Variants in FRMD8 observed in about 807,000 individuals in gnomAD.
The protein encoded by FRMD8 is FERM domain containing 8.
Under a neutral mutation model 54.2 loss-of-function variants are expected in FRMD8, and 37 were observed. That is an observed-to-expected ratio of 0.68 (90% CI 0.53 to 0.90). The LOEUF (loss-of-function observed/expected upper bound fraction) is 0.90, where lower values mean the gene tolerates loss of function less well. Ranked by LOEUF, FRMD8 falls within the 40% of genes least tolerant of loss-of-function variation. The probability of loss-of-function intolerance (pLI) is 0.00; values close to 1 mark genes in which losing one functional copy is unlikely to be tolerated. For missense variants in FRMD8, 585 were observed against 653.7 expected (o/e 0.89, Z 1.15); for synonymous variants, 246 against 286.9 (o/e 0.86, Z 1.44).
At chr11:65,377,334 T>A in the FRMD8 span, 1 of 1,351,838 alleles carries the variant, frequency 7.4e-7, no homozygotes, top group South Asian at 1.8e-5. Flanking sequence ...CCAACTTGCC[T>A]GGCCTACAGC....
chr11:65,402,152 C>A (rs917716203), intron 9 of FRMD8, among the ~76,000 whole-genome samples: 1 of 151,960 alleles, frequency 6.6e-6, no homozygotes, highest in Non-Finnish European at 1.5e-5. Context: ...AGCTCAAGAC[C>A]AGCCTGGCCA....
At chr11:65,407,841 G>A (rs1252984333) in intron 10 of FRMD8, among the ~76,000 whole-genome samples, 8 of 143,896 alleles carry the variant, frequency 5.6e-5, no homozygotes, top group Non-Finnish European at 1.2e-4. Flanking sequence ...CGGAGATCGC[G>A]CCACTGCACT....
chr11:65,404,050 A>C lies in FRMD8; in HGVS notation c.1072-814A>C, dbSNP rs1245208571. Among the ~76,000 whole-genome samples, 10 of 152,150 alleles carry C rather than the reference A, an allele frequency of 6.6e-5. No individual in the cohort carries two copies. Among genetic ancestry groups the C allele is most frequent in the African/African-American group, 2.4e-4 (10 of 41,430 alleles). On this transcript the variant is annotated intron_variant, in intron 9 of 10. Transcript: ENST00000317568. The surrounding 1 kb of genome is among the most constrained non-coding windows in gnomAD (Gnocchi z 4.7). ...CTCTGCTCTTCCTTCTGGGCCGAGC[A>C]GCGGTGCCCACCTGCCCAGCCCAGA...
At chr11:65,369,664 G>T in the FRMD8 span, among the ~76,000 whole-genome samples, 7 of 151,322 alleles carry the variant, frequency 4.6e-5, no homozygotes, top group Non-Finnish European at 7.4e-5. Flanking sequence ...AGGGAGGTGG[G>T]TTACATGAGC....
intron 9 of FRMD8, among the ~76,000 whole-genome samples, chr11:65,402,160 CCAA>C (rs758194981): frequency 6.6e-6 from 1 of 151,836 alleles, no homozygotes; most frequent in African/African-American, 2.4e-5. Context: ...ACCAGCCTGG[CCAA>C]CAAGGTGAAA....
the FRMD8 span, chr11:65,376,291 G>T: frequency 7.5e-7 from 1 of 1,325,546 alleles, no homozygotes; most frequent in Non-Finnish European, 1.0e-6. Flanking sequence ...GAGGCACCTT[G>T]GTTAGGAAGG....
At position 65,394,433 on chromosome 11, in the gene FRMD8, C is replaced by A; in HGVS notation, c.581+8C>A. 1 of 1,563,044 alleles carries A rather than the reference C, an allele frequency of 6.4e-7. No homozygotes were observed. The highest frequency in any genetic ancestry group is 1.2e-5 in the South Asian group (1 of 85,994). ...GGCAGCCTGCGACCTGAGGTGAGGGCCTGTGTGACTTGAGGCGGGGGCGCT... is the reference window on the plus strand; with the variant it reads ...GGCAGCCTGCGACCTGAGGTGAGGGACTGTGTGACTTGAGGCGGGGGCGCT... On this transcript the variant is annotated splice_region_variant and intron_variant, in intron 6 of 10. Coordinates refer to ENST00000317568, the MANE Select transcript of FRMD8 (RefSeq NM_031904.5).
the FRMD8 span, chr11:65,380,329 C>G: frequency 7.1e-6 from 8 of 1,132,426 alleles, no homozygotes; most frequent in Admixed American, 2.2e-5. Flanking sequence ...TCTAGAGACT[C>G]CAGCTGCCCC....
In FRMD8 at chr11:65,389,441, G is replaced by C. The variant is rs1565596519; in HGVS notation, c.166G>C (p.Glu56Gln). Residue 56 changes from glutamate to glutamine, a missense_variant, in exon 3 of 11, where the codon GAG becomes CAG. Physicochemically the swap from Glu to Gln is conservative, Grantham distance 29 (BLOSUM62 2). Coordinates refer to ENST00000317568, the MANE Select transcript of FRMD8 (RefSeq NM_031904.5). ...VENLPSLSAH[E>Q]LHRAVREVLQ... is the part of the protein sequence containing the mutation. Reference sequence around the variant, plus strand: ...GAACCTGCCCTCGCTCAGTGCCCATGAGCTGCACCGCGCTGTCCGCGAGGT... The same window carrying C: ...GAACCTGCCCTCGCTCAGTGCCCATCAGCTGCACCGCGCTGTCCGCGAGGT... 1 of 1,610,146 alleles carries C rather than the reference G, an allele frequency of 6.2e-7. No individual in the cohort carries two copies. Among genetic ancestry groups the C allele is most frequent in the Non-Finnish European group, 8.5e-7 (1 of 1,179,988 alleles).
chr11:65,368,745 A>G, the FRMD8 span, among the ~76,000 whole-genome samples: 1 of 151,704 alleles, frequency 6.6e-6, no homozygotes, highest in Admixed American at 6.6e-5. Context: ...TTGTATTTTT[A>G]GTAGAGACAG....
At chr11:65,402,261 C>G (rs1018221185) in intron 9 of FRMD8, among the ~76,000 whole-genome samples, 2 of 151,382 alleles carry the variant, frequency 1.3e-5, no homozygotes, top group African/African-American at 4.9e-5. Flanking sequence ...GACTGAGGCA[C>G]GAGAATCACT....
Position 65,400,923 on chromosome 11 carries a change from T to A in FRMD8, c.1071+56T>A. The A allele has an allele frequency of 6.6e-7, 1 of 1,523,396 alleles. No individual in the cohort carries two copies. Among genetic ancestry groups the A allele is most frequent in the Non-Finnish European group, 8.8e-7 (1 of 1,133,022 alleles). 94.4% of individuals were successfully genotyped at this position (1,523,396 alleles called of 1,614,324 possible). ...GGAGGCTGGGCCCAGGTGCCCTGGGTCCCAGACAATTAGAGGCACCAGGCT... is the reference window on the plus strand; with the variant it reads ...GGAGGCTGGGCCCAGGTGCCCTGGGACCCAGACAATTAGAGGCACCAGGCT... On this transcript the variant is annotated intron_variant, in intron 9 of 10. Coordinates refer to ENST00000317568, the MANE Select transcript of FRMD8 (RefSeq NM_031904.5). This position sits in a 1 kb window ranked among gnomAD's most constrained non-coding sequence, Gnocchi z 4.3.
the FRMD8 span, chr11:65,376,591 C>T: frequency 1.7e-5 from 27 of 1,613,988 alleles, no homozygotes; most frequent in South Asian, 9.9e-5. Flanking sequence ...CATCTGCATC[C>T]GGGACTTGAT....
the FRMD8 span, chr11:65,380,387 G>T: frequency 1.1e-6 from 1 of 918,444 alleles, no homozygotes; most frequent in Non-Finnish European, 1.6e-6. Context: ...ACTGGGACAA[G>T]GGACTAAGAC....
chr11:65,393,774 G>A (rs769688781), intron 4 of FRMD8, 100 bp downstream of exon 4: 282 of 1,036,764 alleles, frequency 2.7e-4, no homozygotes, highest in Non-Finnish European at 4.0e-4. Context: ...AGCTGCCCTG[G>A]CTGAGGGGCA....
At chr11:65,410,279 T>C (rs478121) in intron 10 of FRMD8, among the ~76,000 whole-genome samples, 149,965 of 152,266 alleles carry the variant, frequency 0.98, 73,892 homozygotes, top group South Asian at 1. Flanking sequence ...GGGTGGATCA[T>C]GAGGTCAAGA....
chr11:65,408,105 A>C (rs1233309693), intron 10 of FRMD8, among the ~76,000 whole-genome samples: 1 of 141,128 alleles, frequency 7.1e-6, no homozygotes, highest in Non-Finnish European at 1.5e-5. Flanking sequence ...ACGGAGTTTC[A>C]CTCTTGTTGC....
the FRMD8 span, among the ~76,000 whole-genome samples, chr11:65,374,665 C>T: frequency 3.3e-5 from 5 of 152,106 alleles, no homozygotes; most frequent in East Asian, 9.6e-4. Context: ...TTAATTCCCA[C>T]TGAGCAAGTG....
chr11:65,377,161 C>T, the FRMD8 span: 8 of 1,501,102 alleles, frequency 5.3e-6, no homozygotes, highest in African/African-American at 9.8e-5. Context: ...AGGAGGCAGG[C>T]AGGGGGCCAC....
Sources: allele counts gnomAD v4.1 joint callset (sites outside exome capture counted in the v4.1 genomes callset), GRCh38; gene constraint gnomAD v4.1.1; non-coding constraint Gnocchi (gnomAD v3.1); transcripts MANE v1.5; gene names NCBI Gene and HGNC (gene_info 2026-07-23, HGNC 2026-07-21).